EXOC4: variants seen among roughly 807,000 people sequenced by gnomAD.
EXOC4 encodes exocyst complex component 4, also known as SEC8-like 1.
In EXOC4, 71 loss-of-function variants were observed where a neutral mutation model predicts 107.2. The observed-to-expected ratio is 0.66, with a 90% confidence interval of 0.55 to 0.81. The LOEUF (loss-of-function observed/expected upper bound fraction) is 0.81, where lower values mean the gene tolerates loss of function less well. Among genes scored for constraint, EXOC4 ranks in the 30% least tolerant of loss-of-function variants. EXOC4 has a pLI of 0.00. For synonymous variants in EXOC4, 456 were observed against 441.2 expected (o/e 1.03, Z -0.42); for missense variants, 1,108 against 1,189.6 (o/e 0.93, Z 1.01).
intron 13 of EXOC4, among the ~76,000 whole-genome samples, chr7:133,921,575 TA>T (rs1378881839): frequency 7.2e-5 from 11 of 152,230 alleles, no homozygotes; most frequent in Admixed American, 5.2e-4. Flanking sequence ...CTTGTTCCTC[TA>T]TAGGATTTTT....
chr7:133,708,842 A>G (rs1794823409), intron 10 of EXOC4, among the ~76,000 whole-genome samples: 1 of 152,158 alleles, frequency 6.6e-6, no homozygotes, highest in Non-Finnish European at 1.5e-5. Context: ...TCAAAAAACA[A>G]AAATCTCAGT....
At chr7:134,076,222 GAC>G in the EXOC4 span, among the ~76,000 whole-genome samples, 2 of 152,168 alleles carry the variant, frequency 1.3e-5, no homozygotes, top group African/African-American at 4.8e-5. Context: ...CTGTCCTAAA[GAC>G]AGAAGCAACA....
intron 5 of EXOC4, among the ~76,000 whole-genome samples, chr7:133,328,118 T>C (rs555166117): frequency 5.0e-4 from 76 of 152,212 alleles, no homozygotes; most frequent in Non-Finnish European, 9.0e-4. Flanking sequence ...AGTGCTTCTG[T>C]ATTGGGTCTG....
At chr7:133,984,761 C>T (rs1477609443) in intron 14 of EXOC4, among the ~76,000 whole-genome samples, 1 of 152,168 alleles carries the variant, frequency 6.6e-6, no homozygotes, top group Non-Finnish European at 1.5e-5. Context: ...AAGGATGGCC[C>T]TTAGCTTTGT....
At chr7:133,844,207 CA>C (rs1211500984) in intron 11 of EXOC4, among the ~76,000 whole-genome samples, 1 of 151,912 alleles carries the variant, frequency 6.6e-6, no homozygotes, top group African/African-American at 2.4e-5. Flanking sequence ...CCCTCCTTCT[CA>C]ATTTTTTGGA....
At chr7:133,292,794 C>T (rs1227265521) in intron 3 of EXOC4, among the ~76,000 whole-genome samples, 26 of 152,124 alleles carry the variant, frequency 1.7e-4, no homozygotes, top group Admixed American at 1.7e-3. Flanking sequence ...GCCCTGTTCC[C>T]AGCATAGTGT....
intron 14 of EXOC4, among the ~76,000 whole-genome samples, chr7:133,947,938 A>G (rs935150266): frequency 3.9e-5 from 6 of 152,212 alleles, no homozygotes; most frequent in African/African-American, 1.4e-4. Flanking sequence ...GGGAAAGAGG[A>G]GAGACAGAAG....
chr7:133,393,214 T>A (rs1796892445), intron 7 of EXOC4, among the ~76,000 whole-genome samples: 1 of 152,154 alleles, frequency 6.6e-6, no homozygotes, highest in Non-Finnish European at 1.5e-5. Flanking sequence ...ATTTGACATA[T>A]CTAATAGTTA....
intron 14 of EXOC4, among the ~76,000 whole-genome samples, chr7:133,962,742 C>T (rs966823939): frequency 2.6e-5 from 4 of 152,266 alleles, no homozygotes; most frequent in South Asian, 2.1e-4. Flanking sequence ...TTTTTGGAAA[C>T]GTGAACCAAG....
chr7:133,859,132 A>G lies in EXOC4; in HGVS notation c.1735-36467A>G, dbSNP rs77404420. Among the ~76,000 whole-genome samples the G allele has an allele frequency of 2.4e-3, 361 of 151,826 alleles. 5 individuals are homozygous for G. Among genetic ancestry groups the G allele is most frequent in the African/African-American group, 8.1e-3 (337 of 41,368 alleles). On this transcript the variant is annotated intron_variant, in intron 11 of 17. Coordinates refer to ENST00000253861, the MANE Select transcript of EXOC4 (RefSeq NM_021807.4). Reference sequence around the variant, plus strand: ...CTACAACCACTGCTTGTGCATCTTCATTTTTCCAAGCAGCCATTAGAGGCA... The same window carrying G: ...CTACAACCACTGCTTGTGCATCTTCGTTTTTCCAAGCAGCCATTAGAGGCA...
chr7:133,810,855 G>A (rs1797209785), intron 10 of EXOC4, among the ~76,000 whole-genome samples: 1 of 151,908 alleles, frequency 6.6e-6, no homozygotes, highest in Non-Finnish European at 1.5e-5. Flanking sequence ...GGATGGTCTC[G>A]ATCTCCTGAC....
chr7:133,973,398 TACATTATAGAAGTC>T (rs1395839440), intron 14 of EXOC4, among the ~76,000 whole-genome samples: 2 of 152,116 alleles, frequency 1.3e-5, no homozygotes, highest in South Asian at 2.1e-4. Context: ...AAATTGTTAT[TACATTATAGAAGTC>T]ACATTATGGA....
intron 10 of EXOC4, among the ~76,000 whole-genome samples, chr7:133,641,738 G>A (rs1802860486): frequency 1.3e-5 from 2 of 152,120 alleles, no homozygotes; most frequent in Non-Finnish European, 2.9e-5. Context: ...GTGAAAAATA[G>A]TAGAACATCT....
chr7:133,447,327 A>G (rs950512732), intron 7 of EXOC4: 15 of 152,168 alleles, frequency 9.9e-5, no homozygotes, highest in Non-Finnish European at 1.3e-4. Context: ...CATATGAGAA[A>G]TGAACATTGC....
chr7:133,264,296 C>G (rs900549358), intron 1 of EXOC4, among the ~76,000 whole-genome samples: 3 of 152,118 alleles, frequency 2.0e-5, no homozygotes, highest in African/African-American at 7.2e-5. Context: ...GTAATTGGCC[C>G]TAAGTGCTGT....
intron 14 of EXOC4, among the ~76,000 whole-genome samples, chr7:133,944,900 C>T (rs1237848831): frequency 1.3e-5 from 2 of 152,056 alleles, no homozygotes; most frequent in African/African-American, 4.8e-5. Flanking sequence ...CAAACAAAAC[C>T]ATGCTGACAT....
chr7:133,356,229 T>G, intron 5 of EXOC4, 101 bp from the exon 6 acceptor site: 1 of 1,170,080 alleles, frequency 8.5e-7, no homozygotes. Flanking sequence ...TTTAATTCTT[T>G]AAGAGAGTAA....
At chr7:133,346,272 C>T (rs1192200397) in intron 5 of EXOC4, among the ~76,000 whole-genome samples, 4 of 152,046 alleles carry the variant, frequency 2.6e-5, no homozygotes, top group Non-Finnish European at 4.4e-5. Flanking sequence ...CTCACCTGGC[C>T]TGTGGAGCGC....
chr7:133,716,580 C>T (rs1451571196), intron 10 of EXOC4, among the ~76,000 whole-genome samples: 2 of 152,148 alleles, frequency 1.3e-5, no homozygotes, highest in Admixed American at 6.5e-5. Flanking sequence ...AATGGAAATG[C>T]CCCCAAAAAA....
Sources: gnomAD v4.1 joint callset for allele counts (sites outside exome capture counted in the v4.1 genomes callset) on GRCh38, gnomAD v4.1.1 for gene constraint, MANE v1.5 for transcripts, NCBI Gene and HGNC (gene_info 2026-07-23, HGNC 2026-07-21) for gene names.